ITGA8: variants seen among roughly 807,000 people sequenced by gnomAD.
The protein encoded by ITGA8 is integrin subunit alpha 8.
Under a neutral mutation model 142.3 loss-of-function variants are expected in ITGA8, and 91 were observed. That is an observed-to-expected ratio of 0.64 (90% CI 0.54 to 0.76). The LOEUF (loss-of-function observed/expected upper bound fraction) is 0.76, where lower values mean the gene tolerates loss of function less well. Among genes scored for constraint, ITGA8 ranks in the 30% least tolerant of loss-of-function variants. ITGA8 has a pLI of 0.00. For synonymous variants in ITGA8, 505 were observed against 485.2 expected (o/e 1.04, Z -0.54); for missense variants, 1,406 against 1,327.7 (o/e 1.06, Z -0.92).
At chr10:15,565,554 T>A (rs1212439131) in intron 25 of ITGA8, among the ~76,000 whole-genome samples, 2 of 148,842 alleles carry the variant, frequency 1.3e-5, no homozygotes, top group Non-Finnish European at 3.0e-5. Flanking sequence ...CTAAATAATC[T>A]TCTTCCTTTC....
rs67683436 is a variant in ITGA8, at chr10:15,549,201, G to GTTTTTTTTTTTTTTTTTTTTTTTTTTTT, written c.2767-634_2767-633insAAAAAAAAAAAAAAAAAAAAAAAAAAAA. Among the ~76,000 whole-genome samples the GTTTTTTTTTTTTTTTTTTTTTTTTTTTT allele has an allele frequency of 2.0e-4, 21 of 107,332 alleles. 2 individuals are homozygous for GTTTTTTTTTTTTTTTTTTTTTTTTTTTT. Among genetic ancestry groups the GTTTTTTTTTTTTTTTTTTTTTTTTTTTT allele is most frequent in the Non-Finnish European group, 2.9e-4 (17 of 57,944 alleles). 70.4% of individuals were successfully genotyped at this position (107,332 alleles called of 152,430 possible). A position where few individuals can be genotyped will look rare whatever the true frequency, so the allele number is the denominator to read the frequency against. On this transcript the variant is annotated intron_variant, in intron 26 of 29. Transcript: ENST00000378076. Reference sequence around the variant, plus strand: ...TTCTTTCTTTTTTCTTTTCTTTTCTGTTTTTTTTTTTTTTTTTTTTTTTTT... The same window carrying GTTTTTTTTTTTTTTTTTTTTTTTTTTTT: ...TTCTTTCTTTTTTCTTTTCTTTTCTGTTTTTTTTTTTTTTTTTTTTTTTTTTTTTTTTTTTTTTTTTTTTTTTTTTTTT...
At chr10:15,565,354 T>C (rs917506907) in intron 25 of ITGA8, among the ~76,000 whole-genome samples, 1 of 151,610 alleles carries the variant, frequency 6.6e-6, no homozygotes, top group Non-Finnish European at 1.5e-5. Flanking sequence ...AACAGCTAAG[T>C]TCTTTTTTGT....
chr10:15,683,567 G>A (rs1359552912), intron 4 of ITGA8, among the ~76,000 whole-genome samples: 1 of 152,182 alleles, frequency 6.6e-6, no homozygotes, highest in African/African-American at 2.4e-5. Flanking sequence ...TACACAGCTG[G>A]TAAAGAAGAA....
chr10:15,708,077 A>T (rs1394377070), intron 2 of ITGA8, among the ~76,000 whole-genome samples: 1 of 152,054 alleles, frequency 6.6e-6, no homozygotes, highest in Non-Finnish European at 1.5e-5. Flanking sequence ...CCGACGGGAC[A>T]AAATCTTAGG....
chr10:15,552,115 A>G (rs1392857943), intron 26 of ITGA8, among the ~76,000 whole-genome samples: 1 of 152,144 alleles, frequency 6.6e-6, no homozygotes, highest in Non-Finnish European at 1.5e-5. Flanking sequence ...GGAAATTAAA[A>G]AACATACTTG....
chr10:15,552,607 C>T (rs898980456), intron 26 of ITGA8, among the ~76,000 whole-genome samples: 2 of 152,144 alleles, frequency 1.3e-5, no homozygotes, highest in African/African-American at 4.8e-5. Flanking sequence ...CATAGGTATA[C>T]ATGTGCCATG....
At chr10:15,716,292 G>A (rs1304965409) in intron 2 of ITGA8, among the ~76,000 whole-genome samples, 2 of 152,138 alleles carry the variant, frequency 1.3e-5, no homozygotes, top group Non-Finnish European at 2.9e-5. Context: ...TAGGATTAGT[G>A]CATTCATCTA....
intron 2 of ITGA8, among the ~76,000 whole-genome samples, chr10:15,706,799 C>T (rs1273303575): frequency 6.6e-6 from 1 of 152,140 alleles, no homozygotes; most frequent in East Asian, 1.9e-4. Context: ...CAAAACCCAC[C>T]ATTGGCTACC....
At chr10:15,552,157 G>C (rs1564347983) in intron 26 of ITGA8, among the ~76,000 whole-genome samples, 1 of 149,936 alleles carries the variant, frequency 6.7e-6, no homozygotes, top group Admixed American at 6.6e-5. Flanking sequence ...TTTTTTTTGA[G>C]ACAGAGTCTC....
intron 4 of ITGA8, among the ~76,000 whole-genome samples, chr10:15,682,395 A>G (rs951252262): frequency 5.3e-5 from 8 of 152,202 alleles, no homozygotes; most frequent in Admixed American, 4.6e-4. Context: ...CATGAACTAC[A>G]AAGAACCCCT....
Position 15,654,615 on chromosome 10 carries a change from C to G in ITGA8, c.1001+739G>C, listed in dbSNP as rs79397110. Among the ~76,000 whole-genome samples the G allele has an allele frequency of 3.3e-4, 51 of 152,276 alleles. 1 individual carries two copies. The East Asian group carries it at 9.5e-3, about 28-fold the overall frequency. The stretch of plus-strand genomic sequence containing the variant: ...TGCCTAGAACAAAGTAAGTATTCTT[C>G]AGATATTTGCTTTCTGTGAAAATGT... On this transcript the variant is annotated intron_variant, in intron 11 of 29. Coordinates refer to ENST00000378076, the MANE Select transcript of ITGA8 (RefSeq NM_003638.3).
rs564150573 is a variant in ITGA8, at chr10:15,696,447, A to C, written c.344-8409T>G. Among the ~76,000 whole-genome samples, 16 of 152,286 alleles carry C rather than the reference A, an allele frequency of 1.1e-4. No individual in the cohort carries two copies. The East Asian group carries it at 2.7e-3, about 26-fold the overall frequency. ...AAAAGACTAAAATTCAATAGAAAAA[A>C]ATTTCTAAGGATCCGAACAGGCATT... On this transcript the variant is annotated intron_variant, in intron 2 of 29. Transcript: ENST00000378076.
intron 25 of ITGA8, among the ~76,000 whole-genome samples, chr10:15,558,861 T>G (rs1241682552): frequency 2.6e-5 from 4 of 152,222 alleles, no homozygotes; most frequent in East Asian, 1.9e-4. Context: ...TGGGTCCATC[T>G]GCTGGCTGGA....
At chr10:15,617,574 A>AT (rs1047865570) in intron 13 of ITGA8, among the ~76,000 whole-genome samples, 2 of 151,812 alleles carry the variant, frequency 1.3e-5, no homozygotes, top group African/African-American at 4.8e-5. Context: ...GATTTTTTGT[A>AT]TTTTTTGGTA....
In ITGA8 at chr10:15,538,393, TC is replaced by T. The variant is rs1833494993; in HGVS notation, c.2881-7243del. ...TGGGCATGATGGCGGGTGCCTGTAA[TC>T]CCAGCTACTTGGGAGGCTGAGACGG... On this transcript the variant is annotated intron_variant, in intron 27 of 29. Coordinates refer to ENST00000378076, the MANE Select transcript of ITGA8 (RefSeq NM_003638.3). Among the ~76,000 whole-genome samples the T allele has an allele frequency of 2.0e-5, 3 of 151,370 alleles. No homozygotes were observed. The Admixed American group carries it at 2.0e-4, about 10-fold the overall frequency.
chr10:15,566,535 GC>G (rs1403882903), intron 25 of ITGA8, among the ~76,000 whole-genome samples: 3 of 152,080 alleles, frequency 2.0e-5, no homozygotes, highest in African/African-American at 7.2e-5. Context: ...CCTAGGCCGG[GC>G]ATGGTGGCTC....
chr10:15,517,309 A>G (rs148393992), intron 29 of ITGA8, 65 bp from the exon 30 acceptor site: 1 of 1,094,674 alleles, frequency 9.1e-7, no homozygotes, highest in East Asian at 2.4e-5. Flanking sequence ...CCCTCATTCA[A>G]AGAATTTTCA....
intron 21 of ITGA8, 57 bp from the exon 22 acceptor site, chr10:15,592,361 T>C (rs1832941772): frequency 7.6e-7 from 1 of 1,323,562 alleles, no homozygotes; most frequent in Admixed American, 1.9e-5. Context: ...AAAAATATTT[T>C]GTAAGTCATT....
chr10:15,547,336 C>A (rs1038576463), intron 27 of ITGA8, among the ~76,000 whole-genome samples: 5 of 152,208 alleles, frequency 3.3e-5, no homozygotes, highest in African/African-American at 1.2e-4. Flanking sequence ...CTTTGGGAGA[C>A]TGAAGCACGT....
Sources: allele counts gnomAD v4.1 joint callset (sites outside exome capture counted in the v4.1 genomes callset), GRCh38; gene constraint gnomAD v4.1.1; transcripts MANE v1.5; gene names NCBI Gene and HGNC (gene_info 2026-07-23, HGNC 2026-07-21).